Variants in C12orf56 observed in about 807,000 individuals in gnomAD.
C12orf56 encodes the protein chromosome 12 open reading frame 56.
C12orf56 carries 71 observed loss-of-function variants against 69.9 expected under a neutral mutation model. The ratio of observed to expected loss-of-function variants is 1.02; its 90% CI spans 0.84 to 1.24. The LOEUF (loss-of-function observed/expected upper bound fraction) is 1.24, where lower values mean the gene tolerates loss of function less well. Ranked by LOEUF, C12orf56 falls within the 50% of genes most tolerant of loss-of-function variation. The probability of loss-of-function intolerance (pLI) is 0.00; values close to 1 mark genes in which losing one functional copy is unlikely to be tolerated. For synonymous variants in C12orf56, 276 were observed against 274.1 expected, an observed-to-expected ratio of 1.01 and a Z score of -0.07; for missense variants, 732 against 738.5, an observed-to-expected ratio of 0.99 and a Z score of 0.10.
In C12orf56 at chr12:64,305,347, G is replaced by A. The variant is rs139349699; in HGVS notation, c.969-1568C>T. 3.0e-3 allele frequency among the ~76,000 whole-genome samples: 460 copies of A among 152,192 alleles called. 1 individual carries two copies. The highest frequency in any genetic ancestry group is 5.0e-3 in the Non-Finnish European group (339 of 68,010). On this transcript the variant is annotated intron_variant, in intron 5 of 12. Coordinates refer to ENST00000543942, the MANE Select transcript of C12orf56 (RefSeq NM_001170633.2). ...TCCTCATGTGTAAAATAGGAATAAT[G>A]ATAGTACCTATCCAAATGTGCTGGG... is the stretch of plus-strand genomic sequence containing the variant.
intron 1 of C12orf56, among the ~76,000 whole-genome samples, chr12:64,377,989 T>C (rs2039663976): frequency 6.6e-6 from 1 of 152,216 alleles, no homozygotes; most frequent in African/African-American, 2.4e-5. Context: ...GCAAATTGCT[T>C]AAATTCTCTG....
intron 5 of C12orf56, among the ~76,000 whole-genome samples, chr12:64,310,670 TATTC>T (rs2038595095): frequency 6.6e-6 from 1 of 152,134 alleles, no homozygotes; most frequent in Non-Finnish European, 1.5e-5. Flanking sequence ...AATTTTTATA[TATTC>T]ATTATGTTTC....
chr12:64,338,151 C>T (rs1041190863), intron 2 of C12orf56: 58 of 555,936 alleles, frequency 1.0e-4, no homozygotes, highest in Admixed American at 1.8e-4. Flanking sequence ...GAGCTGAGGA[C>T]GAGCTCCACC....
intron 3 of C12orf56, among the ~76,000 whole-genome samples, chr12:64,320,597 C>A (rs2038758602): frequency 1.3e-5 from 2 of 152,312 alleles, no homozygotes; most frequent in Admixed American, 6.5e-5. Context: ...CTCACCATGA[C>A]CTTTCTTTAC....
At chr12:64,369,309 T>C (rs1185611869) in intron 1 of C12orf56, among the ~76,000 whole-genome samples, 1 of 152,188 alleles carries the variant, frequency 6.6e-6, no homozygotes, top group Non-Finnish European at 1.5e-5. Flanking sequence ...ATGATTCTCC[T>C]GCCTCAGCCT....
chr12:64,390,180 C>T (rs537426131), intron 1 of C12orf56, 134 bp downstream of exon 1: 1,229 of 1,206,232 alleles, frequency 1.0e-3, no homozygotes, highest in Admixed American at 1.5e-3. Context: ...CTGTGTTCCT[C>T]GTTCTCAAAT....
chr12:64,295,739 A>G (rs938824592), intron 6 of C12orf56, among the ~76,000 whole-genome samples: 9 of 151,586 alleles, frequency 5.9e-5, no homozygotes, highest in Non-Finnish European at 1.0e-4. Flanking sequence ...AATAAAGACC[A>G]CTTAAAAGAA....
intron 1 of C12orf56, among the ~76,000 whole-genome samples, chr12:64,364,231 C>T (rs952292445): frequency 1.3e-5 from 2 of 151,668 alleles, no homozygotes; most frequent in African/African-American, 4.8e-5. Flanking sequence ...TGCAGTGAGC[C>T]GAGACTGAGC....
chr12:64,280,443 T>C (rs557805566), intron 8 of C12orf56, among the ~76,000 whole-genome samples: 1 of 152,302 alleles, frequency 6.6e-6, no homozygotes, highest in African/African-American at 2.4e-5. Flanking sequence ...AGTCAGTCCA[T>C]GTTATTGTGG....
At chr12:64,267,465 C>CT in intron 12 of C12orf56, 177 bp from the exon 13 acceptor site, 1 of 605,410 alleles carries the variant, frequency 1.7e-6, no homozygotes, top group Non-Finnish European at 2.9e-6. Flanking sequence ...TAGAAAATCT[C>CT]TGACATGTGG....
At chr12:64,282,081 C>T (rs1279840036) in intron 8 of C12orf56, among the ~76,000 whole-genome samples, 1 of 152,196 alleles carries the variant, frequency 6.6e-6, no homozygotes, top group Non-Finnish European at 1.5e-5. Flanking sequence ...TCAAGCTGGG[C>T]GCAGTGGTTC....
intron 1 of C12orf56, among the ~76,000 whole-genome samples, chr12:64,378,112 A>G (rs958698843): frequency 2.0e-5 from 3 of 152,240 alleles, no homozygotes; most frequent in Non-Finnish European, 4.4e-5. Flanking sequence ...TACAGTAAGC[A>G]CTCAATAAAT....
intron 1 of C12orf56, among the ~76,000 whole-genome samples, chr12:64,358,482 A>AATAATCATCATCATCATCATCATC (rs11275269): frequency 0.02 from 2,527 of 125,784 alleles, 36 homozygotes; most frequent in African/African-American, 0.034. Flanking sequence ...TAATAATAAT[A>AATAATCATCATCATCATCATCATC]ATCATCATCA....
intron 6 of C12orf56, among the ~76,000 whole-genome samples, chr12:64,287,243 C>T (rs1254679353): frequency 7.1e-5 from 7 of 98,762 alleles, no homozygotes; most frequent in African/African-American, 2.9e-4. Context: ...GAGACTCCAT[C>T]AAAAAAAAAA....
At chr12:64,344,122 T>C (rs984466430) in intron 2 of C12orf56, among the ~76,000 whole-genome samples, 2 of 152,172 alleles carry the variant, frequency 1.3e-5, no homozygotes, top group African/African-American at 4.8e-5. Flanking sequence ...AGTAGTCCCC[T>C]AAACATCTGA....
In C12orf56 at chr12:64,302,274, A is replaced by G. The variant is rs565220177; in HGVS notation, c.1113+1361T>C. Among the ~76,000 whole-genome samples, 3 of 152,240 alleles carry G rather than the reference A, an allele frequency of 2.0e-5. No homozygotes were observed. In the South Asian group the frequency reaches 6.2e-4, roughly 32 times the overall value. ...CTACATCATCCTTACCTGAGTCTCAATGTCTCAATGTTGTGGGACATTTGG... is the reference window on the plus strand; with the variant it reads ...CTACATCATCCTTACCTGAGTCTCAGTGTCTCAATGTTGTGGGACATTTGG... On this transcript the variant is annotated intron_variant, in intron 6 of 12. Transcript: ENST00000543942.
rs754307647 is a variant in C12orf56 at position 64,277,664 on chromosome 12, C to G, written c.1434+16G>C. 2 of 1,461,540 alleles carry G rather than the reference C, an allele frequency of 1.4e-6. No individual in the cohort carries two copies. Among genetic ancestry groups the G allele is most frequent in the Admixed American group, 4.8e-5 (2 of 41,728 alleles). The allele number at this position is 1,461,540 out of a possible 1,614,324, so 90.5% of individuals were successfully genotyped here. ...TATATATATATAATAGTTTACCCCCCAAATTCTCATCTCACCTCAGCGTCA... is the reference window on the plus strand; with the variant it reads ...TATATATATATAATAGTTTACCCCCGAAATTCTCATCTCACCTCAGCGTCA... On this transcript the variant is annotated intron_variant, in intron 9 of 12. Coordinates refer to ENST00000543942, the MANE Select transcript of C12orf56 (RefSeq NM_001170633.2).
At chr12:64,317,422 G>A (rs1322946480) in intron 4 of C12orf56, among the ~76,000 whole-genome samples, 2 of 152,058 alleles carry the variant, frequency 1.3e-5, no homozygotes, top group Non-Finnish European at 2.9e-5. Context: ...TGGGAGTTCT[G>A]ACTCTGTCCC....
Position 64,318,870 on chromosome 12 carries a change from G to A in C12orf56, c.599C>T (p.Pro200Leu). Residue 200 changes from proline (P) to leucine (L), a missense_variant, in exon 4 of 13, where the codon CCC (proline) becomes CTC (leucine). By Grantham distance (98) the Pro-to-Leu change is moderately conservative (BLOSUM62 -3). Coordinates refer to ENST00000543942, the MANE Select transcript of C12orf56 (RefSeq NM_001170633.2). ...TGCAGACTGAGAGCTCCTCCTGGAG[G>A]GGGAAGGTAGGGGTCGAAAGGCACC... Reference protein sequence around the residue: ...GQGAFRPLPSPSRRSSQSAPT... With the variant: ...GQGAFRPLPSLSRRSSQSAPT... The A allele has an allele frequency of 6.5e-7, 1 of 1,537,228 alleles. No individual in the cohort carries two copies. The highest frequency in any genetic ancestry group is 8.7e-7 in the Non-Finnish European group (1 of 1,146,904).
Sources: allele counts gnomAD v4.1 joint callset (sites outside exome capture counted in the v4.1 genomes callset), GRCh38; gene constraint gnomAD v4.1.1; transcripts MANE v1.5; gene names NCBI Gene and HGNC (gene_info 2026-07-23, HGNC 2026-07-21).